The following NAT1 variants were observed in gnomAD, a reference collection of about 807,000 sequenced individuals.
NAT1 encodes the protein N-acetyltransferase 1.
For synonymous variants in NAT1, 144 were observed against 122.6 expected, an observed-to-expected ratio of 1.17 and a Z score of -1.16; for missense variants, 400 against 339.2, an observed-to-expected ratio of 1.18 and a Z score of -1.41.
chr8:18,212,819 A>G (rs1804232423), intron 1 of NAT1: 1 of 152,386 alleles, frequency 6.6e-6, no homozygotes, highest in Non-Finnish European at 1.5e-5. Flanking sequence ...CCAGTCCTCA[A>G]TCCTTGCCAG....
chr8:18,176,841 CA>C (rs1223187832), intron 2 of NAT1, among the ~76,000 whole-genome samples: 1 of 151,756 alleles, frequency 6.6e-6, no homozygotes, highest in East Asian at 1.9e-4. Flanking sequence ...CTAATTTTTT[CA>C]ATCCATAAAC....
chr8:18,219,473 T>G lies in NAT1; in HGVS notation c.-23T>G. The G allele has an allele frequency of 6.5e-7, 1 of 1,549,870 alleles. No individual in the cohort carries two copies. Among genetic ancestry groups the G allele is most frequent in the Non-Finnish European group, 8.7e-7 (1 of 1,145,850 alleles). ...ATTAAAACTGAAGATCAACCTACTT[T>G]CAACTTACTAAGAAAGGTATTAAGC... is the stretch of plus-strand genomic sequence containing the variant. On this transcript the variant is annotated 5_prime_UTR_variant, in exon 2 of 3. Transcript: ENST00000307719.
At chr8:18,191,577 C>G (rs1163205582) in intron 2 of NAT1, among the ~76,000 whole-genome samples, 1 of 152,066 alleles carries the variant, frequency 6.6e-6, no homozygotes, top group East Asian at 1.9e-4. Flanking sequence ...CATCACGCTA[C>G]CTGACTTCAA....
chr8:18,171,440 A>C (rs1323611577), intron 2 of NAT1, among the ~76,000 whole-genome samples: 2 of 152,194 alleles, frequency 1.3e-5, no homozygotes, highest in African/African-American at 4.8e-5. Flanking sequence ...CAGACTAAGG[A>C]CATGAAGAAA....
intron 1 of NAT1, among the ~76,000 whole-genome samples, chr8:18,213,706 G>A (rs1231246918): frequency 6.6e-6 from 1 of 152,014 alleles, no homozygotes; most frequent in Non-Finnish European, 1.5e-5. Flanking sequence ...TTTAAAAAAT[G>A]TTATACCTAA....
chr8:18,185,031 G>A (rs190685080), intron 2 of NAT1, among the ~76,000 whole-genome samples: 39 of 152,176 alleles, frequency 2.6e-4, no homozygotes, highest in Non-Finnish European at 4.1e-4. Context: ...TTAAACAAAT[G>A]TTTAAATGTT....
intron 2 of NAT1, among the ~76,000 whole-genome samples, chr8:18,199,986 T>C (rs1408973434): frequency 6.6e-6 from 1 of 152,156 alleles, no homozygotes; most frequent in Non-Finnish European, 1.5e-5. Flanking sequence ...CCAGTCAGAA[T>C]GGCTAATATT....
upstream of NAT1, among the ~76,000 whole-genome samples, chr8:18,205,768 C>T (rs904365155): frequency 6.6e-6 from 1 of 152,198 alleles, no homozygotes; most frequent in South Asian, 2.1e-4. Flanking sequence ...GGCCGCCATG[C>T]TAGAGCTCCT....
chr8:18,189,613 A>G (rs371152409), intron 2 of NAT1, among the ~76,000 whole-genome samples: 2 of 152,186 alleles, frequency 1.3e-5, no homozygotes, highest in African/African-American at 4.8e-5. Flanking sequence ...ATCAGTTTTT[A>G]TAGGTAGAAG....
Position 18,222,137 on chromosome 8 carries a change from C to G in NAT1, c.90C>G (p.His30Gln). 2 of 1,614,122 alleles carry G rather than the reference C, an allele frequency of 1.2e-6. No individual in the cohort carries two copies. Among genetic ancestry groups the G allele is most frequent in the Non-Finnish European group, 1.7e-6 (2 of 1,180,004 alleles). ...AAACATTAACTGACATTCTTCAACA[C>G]CAGATCCGAGCTGTTCCCTTTGAGA... ...DLETLTDILQHQIRAVPFENL... is the reference protein window; with the variant it reads ...DLETLTDILQQQIRAVPFENL... The change falls in exon 3 of 3, where the codon CAC becomes CAG. Residue 30 changes from histidine (H) to glutamine (Q), a missense_variant. His to Gln is a conservative substitution (Grantham distance 24). Coordinates refer to ENST00000307719, the MANE Select transcript of NAT1 (RefSeq NM_000662.8).
chr8:18,177,290 A>T (rs1052720351), intron 2 of NAT1, among the ~76,000 whole-genome samples: 1 of 152,096 alleles, frequency 6.6e-6, no homozygotes, highest in African/African-American at 2.4e-5. Flanking sequence ...AAGACATTGA[A>T]TAGGTTTTGG....
intron 2 of NAT1, among the ~76,000 whole-genome samples, chr8:18,191,871 A>G (rs1803006003): frequency 6.6e-6 from 1 of 152,162 alleles, no homozygotes; most frequent in Admixed American, 6.5e-5. Context: ...CATTAGACCT[A>G]AAACCATAAA....
In NAT1 at chr8:18,192,601, C is replaced by A. The variant is rs543324571; in HGVS notation, n.93-17180C>A. 9.2e-5 allele frequency among the ~76,000 whole-genome samples: 14 copies of A among 152,202 alleles called. No individual in the cohort carries two copies. In the South Asian group the frequency reaches 2.7e-3, roughly 29 times the overall value. ...ACTTGGAACCAACCCAAATGTCCAA[C>A]AATGATAGACTGGATTAAGAAAATG... On this transcript the variant is annotated intron_variant and non_coding_transcript_variant, in intron 2 of 4. Coordinates refer to the NAT1 transcript ENST00000517441.
At chr8:18,184,180 A>G (rs994854513) in intron 2 of NAT1, among the ~76,000 whole-genome samples, 1 of 152,200 alleles carries the variant, frequency 6.6e-6, no homozygotes, top group African/African-American at 2.4e-5. Context: ...CTTGTTGAAG[A>G]AATTCATGCC....
chr8:18,196,333 GT>G (rs1803232244), intron 2 of NAT1, among the ~76,000 whole-genome samples: 1 of 151,870 alleles, frequency 6.6e-6, no homozygotes, highest in African/African-American at 2.4e-5. Context: ...AGATCCTGAA[GT>G]CTCTTTCACC....
chr8:18,213,727 T>C (rs1294918747), intron 1 of NAT1, among the ~76,000 whole-genome samples: 1 of 152,192 alleles, frequency 6.6e-6, no homozygotes, highest in Non-Finnish European at 1.5e-5. Context: ...AAAATTATCT[T>C]TTAACAATTC....
At chr8:18,217,972 A>C (rs534864873) in intron 1 of NAT1, among the ~76,000 whole-genome samples, 1 of 152,088 alleles carries the variant, frequency 6.6e-6, no homozygotes, top group Non-Finnish European at 1.5e-5. Flanking sequence ...CTCTACCTTT[A>C]TTGGAGTGGC....
At chr8:18,189,149 G>C (rs960103673) in intron 2 of NAT1, among the ~76,000 whole-genome samples, 4 of 152,094 alleles carry the variant, frequency 2.6e-5, no homozygotes, top group Admixed American at 6.6e-5. Context: ...AAAGTTGTCA[G>C]ATAATTTGCT....
At chr8:18,194,209 C>T (rs1181951699) in intron 2 of NAT1, among the ~76,000 whole-genome samples, 1 of 152,130 alleles carries the variant, frequency 6.6e-6, no homozygotes, top group Non-Finnish European at 1.5e-5. Context: ...TGAGGCTTAT[C>T]ACAAAACGTG....
Sources: gnomAD v4.1 joint callset for allele counts (sites outside exome capture counted in the v4.1 genomes callset) on GRCh38, gnomAD v4.1.1 for gene constraint, MANE v1.5 for transcripts, NCBI Gene and HGNC (gene_info 2026-07-23, HGNC 2026-07-21) for gene names.